The following GASK1B variants were observed in gnomAD, a reference collection of about 807,000 sequenced individuals.
The protein encoded by GASK1B is golgi associated kinase 1B, also known as Golgi-associated kinase 1B.
Under a neutral mutation model 42.8 loss-of-function variants are expected in GASK1B, and 34 were observed. The ratio of observed to expected loss-of-function variants is 0.79; its 90% CI spans 0.60 to 1.06. GASK1B has a LOEUF of 1.06. GASK1B is among the 50% of genes least tolerant of loss of function. GASK1B has a pLI of 0.00. For missense variants in GASK1B, 686 were observed against 661.0 expected, an observed-to-expected ratio of 1.04 and a Z score of -0.42; for synonymous variants, 262 against 259.1, an observed-to-expected ratio of 1.01 and a Z score of -0.11.
At chr4:158,167,350 G>A (rs1045984691) in intron 2 of GASK1B, 2 of 152,110 alleles carry the variant, frequency 1.3e-5, no homozygotes, top group East Asian at 1.9e-4. Flanking sequence ...GTTCTCACAA[G>A]AATAAGCCCT....
intron 3 of GASK1B, among the ~76,000 whole-genome samples, chr4:158,141,989 C>T (rs1209116836): frequency 9.1e-6 from 1 of 109,654 alleles, no homozygotes; most frequent in African/African-American, 3.4e-5. Context: ...CCAGGCCGGA[C>T]TGCGGACTGC....
chr4:158,136,112 T>C (rs758685290), intron 3 of GASK1B, among the ~76,000 whole-genome samples: 37 of 152,216 alleles, frequency 2.4e-4, no homozygotes, highest in Non-Finnish European at 4.9e-4. Flanking sequence ...TATCTCATCA[T>C]GAACTGGTAT....
At position 158,141,947 on chromosome 4, in the gene GASK1B, T is replaced by G. The variant is rs1300818241; in HGVS notation, c.1126-10935A>C. Reference sequence around the variant, plus strand: ...TTTTTTTTTTTTTTTTTTTTTTTTTTTTTTTTTTGAGACGGAGTCTCGCTC... The same window carrying G: ...TTTTTTTTTTTTTTTTTTTTTTTTTGTTTTTTTTGAGACGGAGTCTCGCTC... On this transcript the variant is annotated intron_variant, in intron 3 of 4. Coordinates refer to ENST00000585682, the MANE Select transcript of GASK1B (RefSeq NM_001128424.2). Among the ~76,000 whole-genome samples, 3 of 13,768 alleles carry G rather than the reference T, an allele frequency of 2.2e-4. 1 individual carries two copies. The highest frequency in any genetic ancestry group is 5.9e-4 in the Non-Finnish European group (3 of 5,104). 9.0% of individuals were successfully genotyped at this position (13,768 alleles called of 152,430 possible).
At chr4:158,161,682 T>C (rs1279894561) in intron 2 of GASK1B, among the ~76,000 whole-genome samples, 1 of 152,192 alleles carries the variant, frequency 6.6e-6, no homozygotes, top group Non-Finnish European at 1.5e-5. Flanking sequence ...GGAATCAAAT[T>C]TGACTTCAGA....
At chr4:158,166,476 G>T (rs1277559405) in intron 2 of GASK1B, among the ~76,000 whole-genome samples, 1 of 152,170 alleles carries the variant, frequency 6.6e-6, no homozygotes, top group Non-Finnish European at 1.5e-5. Flanking sequence ...CACAGCATTT[G>T]ATTCCTTCTT....
rs116360557 is a variant in GASK1B, at chr4:158,145,189, C to A, written c.1125+10422G>T. ...ACAATGATTGGTTGGAATTTTTATTCTTACTTTTATCACACCATTAAGTGG... is the reference window on the plus strand; with the variant it reads ...ACAATGATTGGTTGGAATTTTTATTATTACTTTTATCACACCATTAAGTGG... On this transcript the variant is annotated intron_variant, in intron 3 of 4. Coordinates refer to ENST00000585682, the MANE Select transcript of GASK1B (RefSeq NM_001128424.2). Among the ~76,000 whole-genome samples the A allele has an allele frequency of 8.0e-3, 1,224 of 152,210 alleles. 15 individuals carry two copies. The highest frequency in any genetic ancestry group is 0.028 in the African/African-American group (1,160 of 41,540).
At position 158,125,844 on chromosome 4, in the gene GASK1B, T is replaced by G. The variant is rs866078065; in HGVS notation, c.*1563A>C. 2 of 152,162 alleles carry G rather than the reference T, an allele frequency of 1.3e-5. No homozygotes were observed. Among genetic ancestry groups the G allele is most frequent in the Non-Finnish European group, 2.9e-5 (2 of 68,000 alleles). 9.4% of individuals were successfully genotyped at this position (152,162 alleles called of 1,614,324 possible). A position where few individuals can be genotyped will look rare whatever the true frequency, so the allele number is the denominator to read the frequency against. On this transcript the variant is annotated 3_prime_UTR_variant, in exon 5 of 5. Transcript: ENST00000585682. ...CTCCTTGGTCCATCTTCTCTTATAC[T>G]TAAAACATTATTTTGACATTTTGTT...
intron 3 of GASK1B, among the ~76,000 whole-genome samples, chr4:158,150,675 G>A (rs1327574817): frequency 1.3e-5 from 2 of 152,170 alleles, no homozygotes; most frequent in African/African-American, 4.8e-5. Context: ...ATAAAATGGA[G>A]AAAGGATGCC....
At chr4:158,140,331 G>A (rs561971831) in intron 3 of GASK1B, among the ~76,000 whole-genome samples, 48 of 152,284 alleles carry the variant, frequency 3.2e-4, no homozygotes, top group Non-Finnish European at 6.0e-4. Context: ...TAAACATCAT[G>A]AATATGGTTG....
chr4:158,171,576 C>T lies in GASK1B; in HGVS notation c.-201G>A. 4.2e-6 allele frequency: 2 copies of T among 474,936 alleles called. No individual in the cohort carries two copies. The highest frequency in any genetic ancestry group is 3.6e-6 in the Non-Finnish European group (1 of 279,856). 29.4% of individuals were successfully genotyped at this position (474,936 alleles called of 1,614,324 possible). ...ACAAACCTTTTAAATTATCAGTCTC[C>T]CCAAGGAGAAATGCGGCTTGTTTCT... On this transcript the variant is annotated 5_prime_UTR_variant, in exon 2 of 5. Coordinates refer to ENST00000585682, the MANE Select transcript of GASK1B (RefSeq NM_001128424.2).
chr4:158,171,696 T>A, intron 1 of GASK1B, 97 bp from the exon 2 acceptor site: 1 of 230,006 alleles, frequency 4.3e-6, no homozygotes, highest in East Asian at 9.1e-5. Context: ...TTTCCTTTCA[T>A]AAATATCACC....
chr4:158,163,570 GAA>G (rs75931814), intron 2 of GASK1B, among the ~76,000 whole-genome samples: 7 of 102,426 alleles, frequency 6.8e-5, no homozygotes, highest in East Asian at 2.8e-4. Context: ...CTCTGTCTCA[GAA>G]AAAAAAAAAA....
intron 4 of GASK1B, among the ~76,000 whole-genome samples, chr4:158,129,672 T>C (rs1331906154): frequency 2.6e-5 from 4 of 152,132 alleles, no homozygotes; most frequent in African/African-American, 9.7e-5. Context: ...AAAAAAATAC[T>C]GGACTTGGAT....
intron 3 of GASK1B, among the ~76,000 whole-genome samples, chr4:158,153,240 C>A (rs1731625551): frequency 6.6e-6 from 1 of 152,096 alleles, no homozygotes; most frequent in Admixed American, 6.5e-5. Context: ...GAACTTAACC[C>A]CTTTTACAAT....
At chr4:158,171,647 T>C (rs1732544972) in intron 1 of GASK1B, 48 bp from the exon 2 acceptor site, 1 of 340,658 alleles carries the variant, frequency 2.9e-6, no homozygotes, top group Non-Finnish European at 5.3e-6. Flanking sequence ...TTTCAAACCA[T>C]TTAAGTTCCT....
chr4:158,171,057 C>T lies in GASK1B; in HGVS notation c.319G>A (p.Val107Met). The T allele has an allele frequency of 6.2e-7, 1 of 1,612,666 alleles. No individual in the cohort carries two copies. Among genetic ancestry groups the T allele is most frequent in the Non-Finnish European group, 8.5e-7 (1 of 1,178,862 alleles). ...GNGSTLQPNV[V>M]YITLRSKRSK... ...CGCTTGGAGCGTAGGGTAATGTACA[C>T]CACATTGGGCTGCAGAGTGGACCCA... Residue 107 changes from valine to methionine, a missense_variant, in exon 2 of 5, where the codon GTG (valine) becomes ATG (methionine). Transcript: ENST00000585682.
chr4:158,157,715 G>T (rs887838116), intron 2 of GASK1B, among the ~76,000 whole-genome samples: 1 of 152,036 alleles, frequency 6.6e-6, no homozygotes, highest in Non-Finnish European at 1.5e-5. Context: ...ATCAACACGC[G>T]GGTCAGAAGG....
rs1732491129 is a variant in GASK1B, at chr4:158,170,958, G to A, written c.418C>T (p.Pro140Ser). ...RKKHAVASAA[P>S]GQEALVGPSL... ...GGTCCGACCAAAGCCTCCTGCCCTG[G>A]GGCAGCCGATGCCACTGCATGCTTT... Residue 140 changes from proline to serine, a missense_variant, in exon 2 of 5, where the codon CCA (proline) becomes TCA (serine). Physicochemically the swap from Pro to Ser is moderately conservative, Grantham distance 74. Coordinates refer to ENST00000585682, the MANE Select transcript of GASK1B (RefSeq NM_001128424.2). 6.2e-7 allele frequency: 1 copy of A among 1,614,184 alleles called. No homozygotes were observed. The highest frequency in any genetic ancestry group is 8.5e-7 in the Non-Finnish European group (1 of 1,180,042).
chr4:158,127,469 C>T lies in GASK1B; in HGVS notation c.1498G>A (p.Ala500Thr). ...EKLIDVIEHR[A>T]KILITYINAH... ...TTGATATAGGTGATAAGAATTTTGG[C>T]TCTGTGTTCTATTACATCGATAAGC... is the stretch of plus-strand genomic sequence containing the variant. The change falls in exon 5 of 5, where the codon GCC becomes ACC. Residue 500 changes from alanine to threonine, a missense_variant. Physicochemically the swap from Ala to Thr is moderately conservative, Grantham distance 58. Coordinates refer to ENST00000585682, the MANE Select transcript of GASK1B (RefSeq NM_001128424.2). 6 of 1,613,732 alleles carry T rather than the reference C, an allele frequency of 3.7e-6. No homozygotes were observed. Among genetic ancestry groups the T allele is most frequent in the South Asian group, 1.1e-5 (1 of 91,072 alleles).
Sources: allele counts gnomAD v4.1 joint callset (sites outside exome capture counted in the v4.1 genomes callset), GRCh38; gene constraint gnomAD v4.1.1; transcripts MANE v1.5; gene names NCBI Gene and HGNC (gene_info 2026-07-23, HGNC 2026-07-21).